Variants in CEP44 observed in about 807,000 individuals in gnomAD.
CEP44 encodes centrosomal protein of 44 kDa.
CEP44 carries 45 observed loss-of-function variants against 46.7 expected under a neutral mutation model. The ratio of observed to expected loss-of-function variants is 0.96; its 90% CI spans 0.76 to 1.24. The LOEUF (loss-of-function observed/expected upper bound fraction) is 1.24. Ranked by LOEUF, CEP44 falls within the 50% of genes most tolerant of loss-of-function variation. The pLI is 0.00. For missense variants in CEP44, 475 were observed against 459.7 expected (o/e 1.03, Z -0.30); for synonymous variants, 142 against 146.0 (o/e 0.97, Z 0.20).
downstream of CEP44, among the ~76,000 whole-genome samples, chr4:174,322,698 CAATT>C (rs140166483): frequency 0.018 from 2,690 of 152,160 alleles, 74 homozygotes; most frequent in African/African-American, 0.061. Context: ...GCTTGACAAA[CAATT>C]AAGATGTCCT....
Position 174,286,666 on chromosome 4 carries a change from T to C in CEP44, c.-148+2723T>C, listed in dbSNP as rs1737618420. Among the ~76,000 whole-genome samples, 1 of 152,232 alleles carries C rather than the reference T, an allele frequency of 6.6e-6. No individual in the cohort carries two copies. On this transcript the variant is annotated intron_variant, in intron 1 of 11. Transcript: ENST00000503780. The surrounding 1 kb of genome is among the most constrained non-coding windows in gnomAD (Gnocchi z 5.2). ...TCGTTTATATACCTATTTATGACTC[T>C]TCTTTGGGAAAAATCTCCTTTGATA...
intron 1 of CEP44, among the ~76,000 whole-genome samples, chr4:174,293,222 G>A (rs1055946671): frequency 7.2e-5 from 11 of 152,220 alleles, no homozygotes; most frequent in Non-Finnish European, 1.5e-5. Flanking sequence ...GGACAGGTGA[G>A]TTGAAGCCCA....
intron 1 of CEP44, among the ~76,000 whole-genome samples, chr4:174,295,705 A>G (rs1397115152): frequency 6.6e-6 from 1 of 152,184 alleles, no homozygotes; most frequent in Non-Finnish European, 1.5e-5. Flanking sequence ...ACCATTGAGC[A>G]CTGAGTGAAC....
rs1214258696 is a variant in CEP44, at chr4:174,326,031, G to A, written c.1087-5451G>A. Among the ~76,000 whole-genome samples, 4 of 151,962 alleles carry A rather than the reference G, an allele frequency of 2.6e-5. No homozygotes were observed. The highest frequency in any genetic ancestry group is 4.4e-5 in the Non-Finnish European group (3 of 67,966). ...TCTTTTATCAAATCTAAAAATCTCT[G>A]GAATGTTTAGATTATTTACATTTAA... On this transcript the variant is annotated intron_variant, in intron 8 of 8. Coordinates refer to the CEP44 transcript ENST00000426172. The surrounding 1 kb of genome is among the most constrained non-coding windows in gnomAD (Gnocchi z 4.8).
Position 174,315,802 on chromosome 4 carries a change from C to T in CEP44, c.962-364C>T, listed in dbSNP as rs113477023. On this transcript the variant is annotated intron_variant, in intron 9 of 11. Transcript: ENST00000503780. ...CTTGCAGTGAGCCGAGATCGCGCCA[C>T]TGCACTCCTGCCTGGGCGACAGAGC... 1.5e-3 allele frequency among the ~76,000 whole-genome samples: 216 copies of T among 142,778 alleles called. 1 individual carries two copies. The highest frequency in any genetic ancestry group is 4.8e-3 in the African/African-American group (184 of 38,180). 93.7% of individuals were successfully genotyped at this position (142,778 alleles called of 152,430 possible).
chr4:174,295,473 G>A (rs1285226366), intron 1 of CEP44, among the ~76,000 whole-genome samples: 6 of 150,912 alleles, frequency 4.0e-5, no homozygotes, highest in East Asian at 3.9e-4. Context: ...ATGGGATGGC[G>A]GCCGGGCAGA....
Position 174,329,119 on chromosome 4 carries a change from T to TA in CEP44, c.1087-2362dup, listed in dbSNP as rs1458009171. Among the ~76,000 whole-genome samples, 6 of 152,042 alleles carry TA rather than the reference T, an allele frequency of 3.9e-5. No individual in the cohort carries two copies. Among genetic ancestry groups the TA allele is most frequent in the African/African-American group, 1.4e-4 (6 of 41,386 alleles). On this transcript the variant is annotated intron_variant, in intron 8 of 8. Transcript: ENST00000426172. The surrounding 1 kb of genome is among the most constrained non-coding windows in gnomAD (Gnocchi z 4.0). ...GTGCCACTGCACCTGGATTTTTTTT[T>TA]ATTGGTATTTTTTCGGATTTGGGAT...
At chr4:174,294,421 GA>G (rs1169130210) in intron 1 of CEP44, among the ~76,000 whole-genome samples, 1 of 151,682 alleles carries the variant, frequency 6.6e-6, no homozygotes, top group Non-Finnish European at 1.5e-5. Context: ...AGAACAAAAT[GA>G]AAAGTCTCCC....
chr4:174,331,574 T>C lies in CEP44; in HGVS notation c.1179T>C (p.Ala393=), dbSNP rs751569764. ...CATACCTTTCATCACAGAGCTTTGC[T>C]TGGCCTCTCTCCTGTGTGTAATCTC... The change falls in exon 9 of 9, where the codon GCT becomes GCC. Residue 393 remains alanine (A), a synonymous_variant. Transcript: ENST00000426172. The surrounding 1 kb of genome is among the most constrained non-coding windows in gnomAD (Gnocchi z 4.5). 1.3e-6 allele frequency: 2 copies of C among 1,551,520 alleles called. No individual in the cohort carries two copies. The highest frequency in any genetic ancestry group is 1.4e-5 in the African/African-American group (1 of 73,170).
rs1737718833 is a variant in CEP44 at position 174,287,680 on chromosome 4, ATTAAC to A, written c.-148+3741_-148+3745del. On this transcript the variant is annotated intron_variant, in intron 1 of 11. Coordinates refer to ENST00000503780, the MANE Select transcript of CEP44 (RefSeq NM_001040157.3). This position sits in a 1 kb window ranked among gnomAD's most constrained non-coding sequence, Gnocchi z 5.1. ...TCCCTTCTGGTTATGATTTACATGT[ATTAAC>A]TTATTAATACACGAAGATCAAAAAG... is the stretch of plus-strand genomic sequence containing the variant. Among the ~76,000 whole-genome samples the A allele has an allele frequency of 6.6e-6, 1 of 152,180 alleles. No homozygotes were observed. Among genetic ancestry groups the A allele is most frequent in the Non-Finnish European group, 1.5e-5 (1 of 68,028 alleles).
At position 174,288,833 on chromosome 4, in the gene CEP44, G is replaced by A. The variant is rs962699730; in HGVS notation, c.-148+4890G>A. Among the ~76,000 whole-genome samples, 1 of 152,088 alleles carries A rather than the reference G, an allele frequency of 6.6e-6. No homozygotes were observed. Among genetic ancestry groups the A allele is most frequent in the Non-Finnish European group, 1.5e-5 (1 of 67,988 alleles). On this transcript the variant is annotated intron_variant, in intron 1 of 11. Transcript: ENST00000503780. The surrounding 1 kb of genome is among the most constrained non-coding windows in gnomAD (Gnocchi z 4.6). ...AACCTTGCCTTGTTCCTCATCTTAT[G>A]GGGAAAGCTTTCAGTTTTTTATCTT...
At position 174,318,069 on chromosome 4, in the gene CEP44, T is replaced by G. The variant is rs1741936001; in HGVS notation, c.*686T>G. ...TTTTAGTATGCTCTATTGTATAATT[T>G]TTTTGGAGGGGGGGATGGAGTTTCG... On this transcript the variant is annotated 3_prime_UTR_variant, in exon 12 of 12. Transcript: ENST00000503780. 1.0e-6 allele frequency: 1 copy of G among 985,390 alleles called. No individual in the cohort carries two copies. Among genetic ancestry groups the G allele is most frequent in the Middle Eastern group, 5.2e-4 (1 of 1,910 alleles). The allele number at this position is 985,390 out of a possible 1,614,324, so 61.0% of individuals were successfully genotyped here. A position where few individuals can be genotyped will look rare whatever the true frequency, so the allele number is the denominator to read the frequency against.
At chr4:174,327,422 A>G (rs1036294428) in intron 8 of CEP44, among the ~76,000 whole-genome samples, 3 of 151,986 alleles carry the variant, frequency 2.0e-5, no homozygotes, top group Non-Finnish European at 4.4e-5. Flanking sequence ...AAGTCTTGAC[A>G]GTTTTTTTTC....
In CEP44 at chr4:174,310,832, G is replaced by A. The variant is rs756596771; in HGVS notation, c.935G>A (p.Cys312Tyr). Residue 312 changes from cysteine (C) to tyrosine (Y), a missense_variant, in exon 9 of 12, where the codon TGT (cysteine) becomes TAT (tyrosine). Physicochemically the swap from Cys to Tyr is radical, Grantham distance 194. Coordinates refer to ENST00000503780, the MANE Select transcript of CEP44 (RefSeq NM_001040157.3). This position sits in a 1 kb window ranked among gnomAD's most constrained non-coding sequence, Gnocchi z 4.2. Reference protein sequence around the residue: ...FNEVSEDYASCSDMDLLNPHR... With the variant: ...FNEVSEDYASYSDMDLLNPHR... ...GAAGTTAGTGAAGACTACGCTTCTT[G>A]TAGTGACATGGACCTTCTGAATCCT... 1.1e-5 allele frequency: 16 copies of A among 1,522,912 alleles called. No individual in the cohort carries two copies. In the East Asian group the frequency reaches 3.0e-4, roughly 28 times the overall value. 94.3% of individuals were successfully genotyped at this position (1,522,912 alleles called of 1,614,324 possible). A position where few individuals can be genotyped will look rare whatever the true frequency, so the allele number is the denominator to read the frequency against.
At chr4:174,323,245 C>T (rs761366100), downstream of CEP44, among the ~76,000 whole-genome samples, 2 of 152,064 alleles carry the variant, frequency 1.3e-5, no homozygotes, top group Non-Finnish European at 2.9e-5. Context: ...TTATGCTTGC[C>T]TGAAGCAGCA....
rs1737573869 is a variant in CEP44, at chr4:174,286,268, A to G, written c.-148+2325A>G. The stretch of plus-strand genomic sequence containing the variant: ...AGCTTACTAAATTTAGGATTTTGTA[A>G]ATCGGTGACCTTCTTACCTTTCCTT... On this transcript the variant is annotated intron_variant, in intron 1 of 11. Coordinates refer to ENST00000503780, the MANE Select transcript of CEP44 (RefSeq NM_001040157.3). This position sits in a 1 kb window ranked among gnomAD's most constrained non-coding sequence, Gnocchi z 5.2. Among the ~76,000 whole-genome samples, 1 of 152,170 alleles carries G rather than the reference A, an allele frequency of 6.6e-6. No individual in the cohort carries two copies. Among genetic ancestry groups the G allele is most frequent in the South Asian group, 2.1e-4 (1 of 4,830 alleles).
In CEP44 at chr4:174,288,299, A is replaced by G. The variant is rs114257386; in HGVS notation, c.-148+4356A>G. 8.5e-3 allele frequency among the ~76,000 whole-genome samples: 1,287 copies of G among 152,300 alleles called. 19 individuals are homozygous for G. Among genetic ancestry groups the G allele is most frequent in the African/African-American group, 0.029 (1,207 of 41,562 alleles). On this transcript the variant is annotated intron_variant, in intron 1 of 11. Coordinates refer to ENST00000503780, the MANE Select transcript of CEP44 (RefSeq NM_001040157.3). This position sits in a 1 kb window ranked among gnomAD's most constrained non-coding sequence, Gnocchi z 4.6. The stretch of plus-strand genomic sequence containing the variant: ...TCACGTTTTGTGATAAGAGCACTTA[A>G]CATTAGATCTAACTTCTTAGCAAAA...
chr4:174,331,492 C>T lies in CEP44; in HGVS notation c.1097C>T (p.Ala366Val). ...GTGTTTCCTTTCTAGAATTTTCCTG[C>T]ATGGAGTGCTACATCCTCTTGTTCC... Residue 366 changes from alanine to valine, a missense_variant, in exon 9 of 9, where the codon GCA becomes GTA. Physicochemically the swap from Ala to Val is moderately conservative, Grantham distance 64. Coordinates refer to the CEP44 transcript ENST00000426172. The surrounding 1 kb of genome is among the most constrained non-coding windows in gnomAD (Gnocchi z 4.5). The T allele has an allele frequency of 6.4e-7, 1 of 1,551,334 alleles. No homozygotes were observed. Among genetic ancestry groups the T allele is most frequent in the Non-Finnish European group, 8.7e-7 (1 of 1,146,794 alleles).
intron 8 of CEP44, among the ~76,000 whole-genome samples, chr4:174,327,540 T>C (rs1742761456): frequency 6.6e-6 from 1 of 152,088 alleles, no homozygotes; most frequent in Admixed American, 6.6e-5. Context: ...ATATTTAAAA[T>C]TATTTCCTAA....
Sources: gnomAD v4.1 joint callset for allele counts (sites outside exome capture counted in the v4.1 genomes callset) on GRCh38, gnomAD v4.1.1 for gene constraint, Gnocchi (gnomAD v3.1) non-coding constraint, MANE v1.5 for transcripts, NCBI Gene and HGNC (gene_info 2026-07-23, HGNC 2026-07-21) for gene names.